The following VPS13B variants were observed in gnomAD, a reference collection of about 807,000 sequenced individuals.
VPS13B encodes the protein intermembrane lipid transfer protein VPS13B.
A neutral mutation model predicts 426.4 loss-of-function variants in VPS13B; 285 were observed. The ratio of observed to expected loss-of-function variants is 0.67; its 90% CI spans 0.61 to 0.74. VPS13B has a LOEUF of 0.74. Among genes scored for constraint, VPS13B ranks in the 30% least tolerant of loss-of-function variants. The pLI, the probability that VPS13B is intolerant of heterozygous loss-of-function variation, is 0.00. For missense variants in VPS13B, 4,537 were observed against 4,782.6 expected (o/e 0.95, Z 1.51); for synonymous variants, 1,676 against 1,676.4 (o/e 1.00, Z 0.01).
At chr8:99,028,886 C>G (rs1168901320) in intron 2 of VPS13B, among the ~76,000 whole-genome samples, 1 of 27,814 alleles carries the variant, frequency 3.6e-5, no homozygotes, top group Admixed American at 3.4e-4. Context: ...TGACCCCCCC[C>G]ACCTCCCTCC....
chr8:99,209,565 A>AT, intron 17 of VPS13B: 7 of 266,964 alleles, frequency 2.6e-5, no homozygotes, highest in South Asian at 1.3e-4. Flanking sequence ...TTTTAATAAC[A>AT]ATTTTTTTTT....
At chr8:99,718,809 A>T (rs568667910) in intron 37 of VPS13B, among the ~76,000 whole-genome samples, 1 of 151,852 alleles carries the variant, frequency 6.6e-6, no homozygotes, top group South Asian at 2.1e-4. Context: ...CAGGACCACA[A>T]GCATGCACCA....
chr8:99,740,816 G>A (rs2130470730), intron 39 of VPS13B, among the ~76,000 whole-genome samples: 1 of 152,236 alleles, frequency 6.6e-6, no homozygotes, highest in Admixed American at 6.5e-5. Flanking sequence ...AAGAGCTCCT[G>A]AAGGAAGCAC....
At chr8:99,534,240 T>A (rs947270327) in intron 30 of VPS13B, among the ~76,000 whole-genome samples, 2 of 152,216 alleles carry the variant, frequency 1.3e-5, no homozygotes, top group Non-Finnish European at 2.9e-5. Flanking sequence ...TTTTGTGGCT[T>A]CCTGTAGCAG....
chr8:99,861,900 C>T lies in VPS13B; in HGVS notation c.11169C>T (p.Gly3723=), dbSNP rs1175793742. The T allele has an allele frequency of 5.0e-6, 8 of 1,596,868 alleles. No individual in the cohort carries two copies. The highest frequency in any genetic ancestry group is 1.1e-5 in the South Asian group (1 of 88,046). The part of the protein sequence containing the change: ...EWRRQLPESL[G]EGLRQGLSRL... ...GGCGGCAGCTCCCCGAGAGCCTGGG[C>T]GAGGGGCTTCGACAGGGCCTGTCCC... The change falls in exon 58 of 62, where the codon GGC becomes GGT. Residue 3723 remains glycine (G), a synonymous_variant. Transcript: ENST00000357162.
chr8:99,828,114 A>C (rs946498500), intron 51 of VPS13B, among the ~76,000 whole-genome samples: 2 of 152,114 alleles, frequency 1.3e-5, no homozygotes, highest in Non-Finnish European at 2.9e-5. Context: ...AGCTGAGTTT[A>C]AGTCCTGAAT....
At chr8:99,081,614 C>CCCCCACCCCACAACAGGT (rs1845465994) in intron 3 of VPS13B, among the ~76,000 whole-genome samples, 1 of 134,158 alleles carries the variant, frequency 7.5e-6, no homozygotes, top group African/African-American at 2.8e-5. Flanking sequence ...CCACAACAGG[C>CCCCCACCCCACAACAGGT]CCCCACCCCA....
chr8:99,602,503 A>G (rs1324230254), intron 33 of VPS13B, among the ~76,000 whole-genome samples: 1 of 151,944 alleles, frequency 6.6e-6, no homozygotes, highest in Admixed American at 6.6e-5. Flanking sequence ...CACCACTCCT[A>G]TTCAACATAG....
At chr8:99,781,550 C>G (rs1410042966) in intron 42 of VPS13B, among the ~76,000 whole-genome samples, 2 of 152,096 alleles carry the variant, frequency 1.3e-5, no homozygotes, top group African/African-American at 4.8e-5. Context: ...AATGCTTAAA[C>G]TTATTACAGT....
intron 17 of VPS13B, among the ~76,000 whole-genome samples, chr8:99,245,718 T>G (rs1370697888): frequency 6.6e-6 from 1 of 152,188 alleles, no homozygotes; most frequent in African/African-American, 2.4e-5. Flanking sequence ...ATATTTCTAT[T>G]GTTTTAGTAC....
chr8:99,196,442 A>G (rs1813931787), intron 17 of VPS13B, among the ~76,000 whole-genome samples: 1 of 150,296 alleles, frequency 6.7e-6, no homozygotes, highest in Non-Finnish European at 1.5e-5. Flanking sequence ...TCAGTTCTAA[A>G]AGTTTTTGGA....
chr8:99,267,723 CA>C (rs553692541), intron 17 of VPS13B, among the ~76,000 whole-genome samples: 332 of 120,438 alleles, frequency 2.8e-3, no homozygotes, highest in Admixed American at 3.5e-3. Context: ...GAGACTCCGT[CA>C]AAAAAAAAAA....
rs1048547943 is a variant in VPS13B, at chr8:99,038,531, A to G, written c.256A>G (p.Met86Val). The stretch of plus-strand genomic sequence containing the variant: ...ACCAGTGGTAATTACCATCAATACT[A>G]TGGAATGCATTTTGAAACTTAAGGA... The part of the protein sequence containing the change: ...SEPVVITINT[M>V]ECILKLKDGI... Residue 86 changes from methionine to valine, a missense_variant, in exon 3 of 62, where the codon ATG (methionine) becomes GTG (valine). Met to Val is a conservative substitution (Grantham distance 21). Coordinates refer to ENST00000357162, the MANE Select transcript of VPS13B (RefSeq NM_152564.5). The G allele has an allele frequency of 3.7e-6, 6 of 1,612,816 alleles. No individual in the cohort carries two copies. The highest frequency in any genetic ancestry group is 4.2e-6 in the Non-Finnish European group (5 of 1,179,354).
intron 17 of VPS13B, chr8:99,233,067 G>A (rs1816433429): frequency 3.8e-6 from 5 of 1,310,534 alleles, no homozygotes; most frequent in South Asian, 3.6e-5. Flanking sequence ...TGCGCTGTGA[G>A]GCGACTCCCT....
intron 3 of VPS13B, among the ~76,000 whole-genome samples, chr8:99,070,368 G>T (rs997355214): frequency 6.6e-6 from 1 of 152,144 alleles, no homozygotes; most frequent in Non-Finnish European, 1.5e-5. Context: ...AAATTTTTCT[G>T]TGAAAACTTT....
chr8:99,473,422 T>C (rs1028989082), intron 24 of VPS13B, among the ~76,000 whole-genome samples: 1 of 152,080 alleles, frequency 6.6e-6, no homozygotes, highest in Non-Finnish European at 1.5e-5. Flanking sequence ...AATCATATGA[T>C]CATCTCAATA....
chr8:99,352,233 C>A (rs1793112254), intron 19 of VPS13B, among the ~76,000 whole-genome samples: 2 of 152,164 alleles, frequency 1.3e-5, no homozygotes, highest in South Asian at 2.1e-4. Flanking sequence ...CAGTCCTCCC[C>A]TTGAGTGATT....
intron 3 of VPS13B, among the ~76,000 whole-genome samples, chr8:99,062,110 C>A (rs2132302034): frequency 6.6e-6 from 1 of 152,338 alleles, no homozygotes; most frequent in Non-Finnish European, 1.5e-5. Flanking sequence ...TTGTCTAAAT[C>A]CACATATTCC....
At chr8:99,271,024 A>C (rs1184910551) in intron 17 of VPS13B, among the ~76,000 whole-genome samples, 2 of 152,150 alleles carry the variant, frequency 1.3e-5, no homozygotes, top group Non-Finnish European at 2.9e-5. Flanking sequence ...ATATATATAT[A>C]GAATGAAAAT....
Sources: allele counts gnomAD v4.1 joint callset (sites outside exome capture counted in the v4.1 genomes callset), GRCh38; gene constraint gnomAD v4.1.1; transcripts MANE v1.5; gene names NCBI Gene and HGNC (gene_info 2026-07-23, HGNC 2026-07-21).